Variants in EDA observed in about 807,000 individuals in gnomAD.
EDA encodes the protein ectodysplasin-A.
Under a neutral mutation model 23.6 loss-of-function variants are expected in EDA, and 2 were observed. The observed-to-expected ratio is 0.08, with a 90% CI of 0.03 to 0.27. The LOEUF is 0.27. Among genes scored for constraint, EDA ranks in the 10% least tolerant of loss-of-function variants. EDA has a pLI of 1.00. For missense variants in EDA, 229 were observed against 324.2 expected, an observed-to-expected ratio of 0.71 and a Z score of 2.26; for synonymous variants, 131 against 132.0, an observed-to-expected ratio of 0.99 and a Z score of 0.05.
chrX:69,710,127 T>C (rs1472433722), intron 1 of EDA, among the ~76,000 whole-genome samples: 1 of 111,340 alleles, frequency 9.0e-6, no homozygotes, highest in African/African-American at 3.3e-5. Flanking sequence ...TTTATGGTTT[T>C]AGGTCTAACA....
rs2012058906 is a variant in EDA at position 69,711,843 on chromosome X, C to T, written c.396+95139C>T. Among the ~76,000 whole-genome samples, 3 of 111,356 alleles carry T rather than the reference C, an allele frequency of 2.7e-5. No individual in the cohort carries two copies. The South Asian group carries it at 1.1e-3, about 42-fold the overall frequency. On this transcript the variant is annotated intron_variant, in intron 1 of 7. Transcript: ENST00000374552. The stretch of plus-strand genomic sequence containing the variant: ...TTCTGTGGGATCGATGGTGATATCC[C>T]CTTTATCATTTTTTATTGCGTCTAT...
chrX:69,724,157 G>T (rs2012700292), intron 1 of EDA, among the ~76,000 whole-genome samples: 1 of 111,739 alleles, frequency 8.9e-6, no homozygotes, highest in Admixed American at 9.5e-5. Context: ...TTGATTACTA[G>T]GTTTGGTTTG....
intron 3 of EDA, among the ~76,000 whole-genome samples, chrX:70,023,478 CTTTTTTTTTTTTT>C (rs754981946): frequency 3.0e-5 from 1 of 33,500 alleles, no homozygotes; most frequent in Non-Finnish European, 4.7e-5. Flanking sequence ...TCTTTTTATT[CTTTTTTTTTTTTT>C]TTTTTTTTTT....
chrX:69,751,395 G>A (rs1321038018), intron 1 of EDA, among the ~76,000 whole-genome samples: 2 of 112,029 alleles, frequency 1.8e-5, no homozygotes, highest in African/African-American at 6.5e-5. Flanking sequence ...TCTCTGTTTT[G>A]GTACCAGTAC....
intron 1 of EDA, among the ~76,000 whole-genome samples, chrX:69,731,066 T>C (rs1277283119): frequency 8.9e-6 from 1 of 112,669 alleles, no homozygotes; most frequent in African/African-American, 3.2e-5. Flanking sequence ...AGGATATCTG[T>C]TTCTTCTTGA....
In EDA at chrX:70,028,317, G is replaced by A. The variant is rs1370126592; in HGVS notation, c.706+281G>A. Among the ~76,000 whole-genome samples, 6 of 111,556 alleles carry A rather than the reference G, an allele frequency of 5.4e-5. No homozygotes were observed. The South Asian group carries it at 2.3e-3, about 43-fold the overall frequency. ...GCCCTCCCTGACTCTTGGCCTCCCTGTAGTGGACCAGTAAAACTCATATGA... is the reference window on the plus strand; with the variant it reads ...GCCCTCCCTGACTCTTGGCCTCCCTATAGTGGACCAGTAAAACTCATATGA... On this transcript the variant is annotated intron_variant, in intron 4 of 7. Transcript: ENST00000374552.
At chrX:69,762,516 G>A (rs996794334) in intron 1 of EDA, among the ~76,000 whole-genome samples, 5 of 112,043 alleles carry the variant, frequency 4.5e-5, no homozygotes, top group Admixed American at 2.8e-4. Flanking sequence ...TCTCCAGCTG[G>A]CTAAATAAAG....
At chrX:69,979,699 A>C (rs2147449746) in intron 2 of EDA, among the ~76,000 whole-genome samples, 1 of 111,618 alleles carries the variant, frequency 9.0e-6, no homozygotes, top group African/African-American at 3.2e-5. Context: ...CTTTAGAGGA[A>C]TGTCTATTTA....
At chrX:69,929,843 C>T (rs1306489852) in intron 1 of EDA, among the ~76,000 whole-genome samples, 3 of 107,982 alleles carry the variant, frequency 2.8e-5, no homozygotes, top group Admixed American at 1.0e-4. Context: ...CATGGGGAGA[C>T]GGCATTTGGA....
At chrX:69,717,249 C>T (rs772959765) in intron 1 of EDA, among the ~76,000 whole-genome samples, 1 of 110,804 alleles carries the variant, frequency 9.0e-6, no homozygotes, top group African/African-American at 3.3e-5. Flanking sequence ...CCTTCAATAC[C>T]TAGGTTATTG....
intron 1 of EDA, among the ~76,000 whole-genome samples, chrX:69,681,170 A>G (rs1231666032): frequency 1.8e-5 from 2 of 111,377 alleles, no homozygotes; most frequent in Non-Finnish European, 3.8e-5. Flanking sequence ...TCTGGCTTGT[A>G]GAGTTTCTGC....
intron 1 of EDA, among the ~76,000 whole-genome samples, chrX:69,659,077 A>G (rs912095759): frequency 2.7e-5 from 3 of 112,181 alleles, no homozygotes; most frequent in African/African-American, 9.7e-5. Flanking sequence ...AGAAAAATCC[A>G]TTTTTATCGT....
intron 1 of EDA, among the ~76,000 whole-genome samples, chrX:69,679,356 T>A (rs988540128): frequency 5.5e-5 from 6 of 109,359 alleles, no homozygotes; most frequent in African/African-American, 2.0e-4. Flanking sequence ...TAGGGAGGAT[T>A]CCCTCTTTTT....
intron 1 of EDA, among the ~76,000 whole-genome samples, chrX:69,896,141 T>G (rs1039012932): frequency 9.0e-6 from 1 of 111,394 alleles, no homozygotes. Context: ...CCTCTTTACA[T>G]GGTCTTTCCT....
At chrX:69,778,606 G>T (rs140675503) in intron 1 of EDA, among the ~76,000 whole-genome samples, 3,720 of 111,063 alleles carry the variant, frequency 0.033, 65 homozygotes, top group Non-Finnish European at 0.052. Flanking sequence ...ACAATTGAAG[G>T]GTTCATTGGA....
At chrX:70,016,090 G>A (rs768221393) in intron 2 of EDA, among the ~76,000 whole-genome samples, 1 of 109,685 alleles carries the variant, frequency 9.1e-6, no homozygotes, top group Non-Finnish European at 1.9e-5. Flanking sequence ...TTTAACTTCA[G>A]ACAAAACAGC....
chrX:69,796,431 C>T (rs2804346), intron 1 of EDA, among the ~76,000 whole-genome samples: 33,250 of 110,128 alleles, frequency 0.3, 4,747 homozygotes, highest in Middle Eastern at 0.54. Context: ...ATAACTACAC[C>T]CTAAGCCACT....
At chrX:69,626,498 A>G (rs1809037794) in intron 1 of EDA, among the ~76,000 whole-genome samples, 1 of 112,255 alleles carries the variant, frequency 8.9e-6, no homozygotes, top group South Asian at 3.7e-4. Context: ...ATGCTACAAC[A>G]TGGCTGAGCC....
intron 1 of EDA, among the ~76,000 whole-genome samples, chrX:69,633,771 T>C (rs1395067563): frequency 1.8e-5 from 2 of 112,569 alleles, no homozygotes; most frequent in Admixed American, 1.9e-4. Flanking sequence ...TTGATGAACA[T>C]TTGAGTTGTT....
Sources: allele counts gnomAD v4.1 joint callset (sites outside exome capture counted in the v4.1 genomes callset), GRCh38; gene constraint gnomAD v4.1.1; transcripts MANE v1.5; gene names NCBI Gene and HGNC (gene_info 2026-07-23, HGNC 2026-07-21).